SMG6: variants seen among roughly 807,000 people sequenced by gnomAD.
SMG6 encodes the protein telomerase-binding protein EST1A.
SMG6 carries 66 observed loss-of-function variants against 142.2 expected under a neutral mutation model. The ratio of observed to expected loss-of-function variants is 0.46; its 90% CI spans 0.38 to 0.57. The LOEUF is 0.57. SMG6 is among the 20% of genes least tolerant of loss of function. The pLI is 0.00. For synonymous variants in SMG6, 779 were observed against 702.4 expected (o/e 1.11, Z -1.72); for missense variants, 1,793 against 1,832.0 (o/e 0.98, Z 0.39).
intron 8 of SMG6, among the ~76,000 whole-genome samples, chr17:2,252,048 C>T (rs1038414699): frequency 2.0e-5 from 3 of 151,328 alleles, no homozygotes; most frequent in African/African-American, 7.3e-5. Flanking sequence ...TGCAGTGAGC[C>T]AAGATCGCAC....
At chr17:2,125,739 G>A (rs1374969530) in intron 13 of SMG6, among the ~76,000 whole-genome samples, 4 of 152,158 alleles carry the variant, frequency 2.6e-5, no homozygotes, top group Non-Finnish European at 4.4e-5. Flanking sequence ...GATTGCTTGA[G>A]GTCAGGAGTT....
At chr17:2,157,020 C>A (rs2071028719) in intron 13 of SMG6, among the ~76,000 whole-genome samples, 1 of 152,162 alleles carries the variant, frequency 6.6e-6, no homozygotes, top group South Asian at 2.1e-4. Flanking sequence ...GTATGTATCT[C>A]AGCATGTTTC....
chr17:2,179,533 A>G (rs1318392041), intron 12 of SMG6, among the ~76,000 whole-genome samples: 1 of 151,644 alleles, frequency 6.6e-6, no homozygotes, highest in Non-Finnish European at 1.5e-5. Flanking sequence ...TGCTCTGTAG[A>G]CTATGGAAGA....
At position 2,104,089 on chromosome 17, in the gene SMG6, C is replaced by T. The variant is rs939622021; in HGVS notation, c.3358-18188G>A. On this transcript the variant is annotated intron_variant, in intron 13 of 18. Transcript: ENST00000263073. ...GCCTCAGCCTCCCGAGTAGCTGGGA[C>T]TACAGGCGCCCACCACCTCGCCCGG... Among the ~76,000 whole-genome samples the T allele has an allele frequency of 4.6e-5, 7 of 151,964 alleles. No homozygotes were observed. In the South Asian group the frequency reaches 1.2e-3, roughly 27 times the overall value.
At chr17:2,273,660 C>T (rs1008434856) in intron 8 of SMG6, among the ~76,000 whole-genome samples, 1 of 151,802 alleles carries the variant, frequency 6.6e-6, no homozygotes. Flanking sequence ...TAAATATTAG[C>T]CAGGCGCACA....
intron 10 of SMG6, among the ~76,000 whole-genome samples, chr17:2,208,253 C>T (rs962995077): frequency 6.6e-6 from 1 of 152,216 alleles, no homozygotes; most frequent in Non-Finnish European, 1.5e-5. Flanking sequence ...CCACTCTCCA[C>T]AGTTTACGTC....
At chr17:2,134,299 T>C (rs531411450) in intron 13 of SMG6, among the ~76,000 whole-genome samples, 13 of 151,548 alleles carry the variant, frequency 8.6e-5, no homozygotes, top group African/African-American at 2.7e-4. Context: ...ACGCCTGTAA[T>C]CCCAGCAATT....
chr17:2,229,592 C>G (rs778316215), intron 10 of SMG6: 2 of 152,162 alleles, frequency 1.3e-5, no homozygotes, highest in Non-Finnish European at 2.9e-5. Context: ...ACAGGGCTGA[C>G]AAGAGAATCA....
chr17:2,255,424 AAAAAAG>A (rs1283049256), intron 8 of SMG6, among the ~76,000 whole-genome samples: 5 of 149,382 alleles, frequency 3.3e-5, no homozygotes, highest in Non-Finnish European at 5.9e-5. Flanking sequence ...AAAAAAAAAA[AAAAAAG>A]AATGTGATCT....
intron 13 of SMG6, among the ~76,000 whole-genome samples, chr17:2,148,477 G>A (rs1289757763): frequency 6.6e-6 from 1 of 152,244 alleles, no homozygotes; most frequent in African/African-American, 2.4e-5. Flanking sequence ...GATAAAACGT[G>A]AAATCATTAT....
intron 13 of SMG6, among the ~76,000 whole-genome samples, chr17:2,106,607 CACAAGGGCAAAATTA>C (rs2069162603): frequency 1.3e-5 from 2 of 152,070 alleles, no homozygotes; most frequent in South Asian, 4.1e-4. Flanking sequence ...GCTGTCCTGT[CACAAGGGCAAAATTA>C]ACCAGACCCA....
At chr17:2,139,734 T>A (rs1169540732) in intron 13 of SMG6, among the ~76,000 whole-genome samples, 1 of 148,808 alleles carries the variant, frequency 6.7e-6, no homozygotes, top group Non-Finnish European at 1.5e-5. Flanking sequence ...AACAAACAAA[T>A]TTTTTTTTTG....
At chr17:2,286,559 A>C (rs747111215) in intron 6 of SMG6, among the ~76,000 whole-genome samples, 2 of 152,170 alleles carry the variant, frequency 1.3e-5, no homozygotes, top group Non-Finnish European at 2.9e-5. Context: ...CATGTAAAAG[A>C]ATGAAGTTGG....
intron 8 of SMG6, among the ~76,000 whole-genome samples, chr17:2,272,831 G>C (rs761556906): frequency 1.3e-5 from 2 of 151,898 alleles, no homozygotes; most frequent in Non-Finnish European, 2.9e-5. Flanking sequence ...CCAGCTACTC[G>C]GGAGGCTGAG....
intron 10 of SMG6, among the ~76,000 whole-genome samples, chr17:2,231,480 G>T (rs2073492184): frequency 1.3e-5 from 2 of 152,138 alleles, no homozygotes; most frequent in African/African-American, 2.4e-5. Context: ...GACGGATCAC[G>T]AAGTCAGGAG....
At chr17:2,185,147 C>T (rs1236826940) in intron 12 of SMG6, among the ~76,000 whole-genome samples, 1 of 152,026 alleles carries the variant, frequency 6.6e-6, no homozygotes, top group Non-Finnish European at 1.5e-5. Context: ...GGACATCCCA[C>T]ATGAACACAT....
At chr17:2,088,410 C>G (rs540568440) in intron 13 of SMG6, 6 of 985,264 alleles carry the variant, frequency 6.1e-6, no homozygotes, top group Non-Finnish European at 7.2e-6. Flanking sequence ...ACACAAGCAA[C>G]GAGGAGTAGC....
intron 10 of SMG6, among the ~76,000 whole-genome samples, chr17:2,212,042 A>G (rs1407934813): frequency 6.6e-6 from 1 of 152,350 alleles, no homozygotes; most frequent in Non-Finnish European, 1.5e-5. Flanking sequence ...AGTCACAGTT[A>G]CCATATAGCT....
chr17:2,090,531 C>T (rs1386700118), intron 13 of SMG6, among the ~76,000 whole-genome samples: 3 of 152,226 alleles, frequency 2.0e-5, no homozygotes, highest in East Asian at 1.9e-4. Flanking sequence ...GTGAGGGACT[C>T]GCTCTATCGT....
Sources: allele counts gnomAD v4.1 joint callset (sites outside exome capture counted in the v4.1 genomes callset), GRCh38; gene constraint gnomAD v4.1.1; transcripts MANE v1.5; gene names NCBI Gene and HGNC (gene_info 2026-07-23, HGNC 2026-07-21).